The following CGNL1 variants were observed in gnomAD, a reference collection of about 807,000 sequenced individuals.
The protein encoded by CGNL1 is cingulin-like protein 1.
CGNL1 carries 132 observed loss-of-function variants against 141.2 expected under a neutral mutation model. The ratio of observed to expected loss-of-function variants is 0.93; its 90% confidence interval spans 0.81 to 1.08. CGNL1 has a LOEUF of 1.08. Ranked by LOEUF, CGNL1 falls within the 50% of genes least tolerant of loss-of-function variation. The pLI is 0.00. For synonymous variants in CGNL1, 690 were observed against 622.1 expected (o/e 1.11, Z -1.63); for missense variants, 1,870 against 1,588.6 (o/e 1.18, Z -3.01).
chr15:57,391,316 A>G (rs574686581), intron 1 of CGNL1, among the ~76,000 whole-genome samples: 3 of 152,380 alleles, frequency 2.0e-5, no homozygotes, highest in South Asian at 4.1e-4. Context: ...GCGAAGCAGA[A>G]TGAGTGAAAT....
At chr15:57,404,468 T>C (rs2062693713) in intron 1 of CGNL1, among the ~76,000 whole-genome samples, 1 of 152,244 alleles carries the variant, frequency 6.6e-6, no homozygotes, top group Non-Finnish European at 1.5e-5. Context: ...ACTATGGTGA[T>C]GACATGTTGA....
At chr15:57,387,723 C>A (rs948750917) in intron 1 of CGNL1, among the ~76,000 whole-genome samples, 1 of 152,196 alleles carries the variant, frequency 6.6e-6, no homozygotes, top group Non-Finnish European at 1.5e-5. Context: ...AAACCTCCCC[C>A]TGTTTTAAAG....
Position 57,438,508 on chromosome 15 carries a change from C to T in CGNL1, c.509C>T (p.Ser170Phe), listed in dbSNP as rs748763323. 15 of 1,614,148 alleles carry T rather than the reference C, an allele frequency of 9.3e-6. No individual in the cohort carries two copies. The East Asian group carries it at 2.9e-4, about 31-fold the overall frequency. ...TTGAATTTACAAAATCACCAGCCTT[C>T]TGAGAGTAATTGGCTAAAAACGTTG... ...NELNLQNHQPSESNWLKTLTE... is the reference protein window; with the variant it reads ...NELNLQNHQPFESNWLKTLTE... The change falls in exon 2 of 19, where the codon TCT (serine) becomes TTT (phenylalanine). Residue 170 changes from serine to phenylalanine, a missense_variant. Ser to Phe is a radical substitution (Grantham distance 155). Transcript: ENST00000281282.
chr15:57,535,727 G>A (rs184804709), intron 14 of CGNL1, among the ~76,000 whole-genome samples: 10 of 152,292 alleles, frequency 6.6e-5, no homozygotes, highest in Admixed American at 1.3e-4. Flanking sequence ...CATCGAAGGC[G>A]ATTGAGCACA....
At chr15:57,409,514 TAG>T (rs1319017221) in intron 1 of CGNL1, among the ~76,000 whole-genome samples, 1 of 151,952 alleles carries the variant, frequency 6.6e-6, no homozygotes, top group Non-Finnish European at 1.5e-5. Context: ...TGTAATCCAA[TAG>T]AGATATGCAT....
At chr15:57,429,118 C>G (rs1166048556) in intron 1 of CGNL1, among the ~76,000 whole-genome samples, 2 of 152,082 alleles carry the variant, frequency 1.3e-5, no homozygotes, top group African/African-American at 2.4e-5. Flanking sequence ...TTCCCTTCCT[C>G]TTGGTAGCGT....
chr15:57,397,193 A>G (rs1392854289), intron 1 of CGNL1: 4 of 152,308 alleles, frequency 2.6e-5, no homozygotes, highest in African/African-American at 9.6e-5. Context: ...ACAGGGAGGA[A>G]GTGAACAGGT....
chr15:57,396,950 G>C (rs1395350507), intron 1 of CGNL1: 2 of 152,192 alleles, frequency 1.3e-5, no homozygotes, highest in Non-Finnish European at 2.9e-5. Flanking sequence ...GGAAGAGAAA[G>C]ACTCAGAAAT....
chr15:57,522,238 T>G (rs2031311900), intron 10 of CGNL1, among the ~76,000 whole-genome samples: 1 of 152,228 alleles, frequency 6.6e-6, no homozygotes, highest in South Asian at 2.1e-4. Flanking sequence ...TGGCTGCTTC[T>G]CAAAGTGCAG....
chr15:57,452,312 G>A, intron 6 of CGNL1, 23 bp downstream of exon 6: 1 of 1,605,868 alleles, frequency 6.2e-7, no homozygotes. Flanking sequence ...CTGAGAGCCT[G>A]TTGCCCTTCC....
At chr15:57,449,714 G>A (rs979681900) in intron 4 of CGNL1, among the ~76,000 whole-genome samples, 2 of 152,138 alleles carry the variant, frequency 1.3e-5, no homozygotes, top group Non-Finnish European at 2.9e-5. Context: ...TGTTCTGCCT[G>A]TTTGTTCCTT....
intron 12 of CGNL1, 120 bp from the exon 13 acceptor site, chr15:57,528,534 C>T: frequency 1.0e-6 from 1 of 983,230 alleles, no homozygotes; most frequent in Non-Finnish European, 1.5e-6. Flanking sequence ...CTTCTGATCT[C>T]CCATATTGTG....
chr15:57,501,791 A>G (rs1417339635), intron 8 of CGNL1, among the ~76,000 whole-genome samples: 1 of 152,042 alleles, frequency 6.6e-6, no homozygotes, highest in Admixed American at 6.6e-5. Flanking sequence ...ACTGGCAGCT[A>G]AGGAAGAGAT....
chr15:57,538,766 C>G (rs1296205260), intron 14 of CGNL1, among the ~76,000 whole-genome samples: 1 of 152,220 alleles, frequency 6.6e-6, no homozygotes, highest in Non-Finnish European at 1.5e-5. Flanking sequence ...TGCACTCTGC[C>G]TCACTCCACC....
intron 8 of CGNL1, among the ~76,000 whole-genome samples, chr15:57,516,356 G>A (rs1269785018): frequency 6.6e-6 from 1 of 152,038 alleles, no homozygotes; most frequent in African/African-American, 2.4e-5. Flanking sequence ...TTAAGATGGC[G>A]ATAAGAATAG....
chr15:57,394,841 G>A (rs879457206), intron 1 of CGNL1, among the ~76,000 whole-genome samples: 3 of 152,234 alleles, frequency 2.0e-5, no homozygotes, highest in Admixed American at 2.0e-4. Context: ...GCTGGGCGCA[G>A]TGGCTCATGC....
intron 10 of CGNL1, among the ~76,000 whole-genome samples, chr15:57,521,265 A>G (rs1316455600): frequency 6.6e-6 from 1 of 152,180 alleles, no homozygotes; most frequent in Non-Finnish European, 1.5e-5. Flanking sequence ...CCGTTGTTCT[A>G]AACAGTGTTT....
intron 8 of CGNL1, among the ~76,000 whole-genome samples, chr15:57,492,913 G>A (rs2063886740): frequency 6.6e-6 from 1 of 152,116 alleles, no homozygotes; most frequent in Admixed American, 6.5e-5. Context: ...TTGTCCCAGA[G>A]TCTTGAATAC....
intron 8 of CGNL1, among the ~76,000 whole-genome samples, chr15:57,509,871 G>A (rs2030093284): frequency 6.6e-6 from 1 of 152,166 alleles, no homozygotes; most frequent in African/African-American, 2.4e-5. Context: ...ATGCTGTTTG[G>A]CTGTTTTAGA....
Sources: allele counts gnomAD v4.1 joint callset (sites outside exome capture counted in the v4.1 genomes callset), GRCh38; gene constraint gnomAD v4.1.1; transcripts MANE v1.5; gene names NCBI Gene and HGNC (gene_info 2026-07-23, HGNC 2026-07-21).